Variants in PTPRN2 observed in about 807,000 individuals in gnomAD.
The protein encoded by PTPRN2 is receptor-type tyrosine-protein phosphatase N2.
Under a neutral mutation model 118.8 loss-of-function variants are expected in PTPRN2, and 74 were observed. The observed-to-expected ratio is 0.62, with a 90% CI of 0.52 to 0.76. The LOEUF (loss-of-function observed/expected upper bound fraction) is 0.76, where lower values mean the gene tolerates loss of function less well. PTPRN2 is among the 30% of genes least tolerant of loss of function. PTPRN2 has a pLI of 0.00. For synonymous variants in PTPRN2, 641 were observed against 608.0 expected (o/e 1.05, Z -0.80); for missense variants, 1,481 against 1,394.4 (o/e 1.06, Z -0.99).
intron 2 of PTPRN2, among the ~76,000 whole-genome samples, chr7:158,369,017 G>A (rs1809749842): frequency 8.5e-5 from 13 of 152,080 alleles, no homozygotes; most frequent in Admixed American, 8.5e-4. Flanking sequence ...GTCTGGGTGG[G>A]CACCATCTAA....
Position 157,801,018 on chromosome 7 carries a change from CACACATATATATACACATATATAT to C in PTPRN2, c.1788+97631_1788+97654del, listed in dbSNP as rs1315608115. The stretch of plus-strand genomic sequence containing the variant: ...ATATATACACACATATACATATACA[CACACATATATATACACATATATAT>C]ACACATATATACACATATATATACA... On this transcript the variant is annotated intron_variant, in intron 12 of 22. Coordinates refer to ENST00000389418, the MANE Select transcript of PTPRN2 (RefSeq NM_002847.5). The surrounding 1 kb of genome is among the most constrained non-coding windows in gnomAD (Gnocchi z 4.2). 6.7e-6 allele frequency among the ~76,000 whole-genome samples: 1 copy of C among 150,190 alleles called. No homozygotes were observed. The highest frequency in any genetic ancestry group is 1.9e-4 in the East Asian group (1 of 5,162).
chr7:157,695,783 A>C (rs548516364), intron 12 of PTPRN2, among the ~76,000 whole-genome samples: 2 of 152,382 alleles, frequency 1.3e-5, no homozygotes, highest in Middle Eastern at 3.4e-3. Flanking sequence ...AAAGAAGGTA[A>C]GTCCATTGCA....
chr7:157,900,338 A>G (rs1439544831), intron 11 of PTPRN2, among the ~76,000 whole-genome samples: 1 of 152,224 alleles, frequency 6.6e-6, no homozygotes, highest in Admixed American at 6.5e-5. Flanking sequence ...AACAGCAGAC[A>G]GTGGGCCTGA....
intron 3 of PTPRN2, among the ~76,000 whole-genome samples, chr7:158,252,796 C>T (rs1447380153): frequency 1.3e-5 from 2 of 152,186 alleles, no homozygotes; most frequent in Non-Finnish European, 2.9e-5. Context: ...GAGAACGAAC[C>T]TCTCACTCCC....
chr7:158,109,628 T>C (rs1008647912), intron 10 of PTPRN2, among the ~76,000 whole-genome samples: 1 of 149,374 alleles, frequency 6.7e-6, no homozygotes, highest in Non-Finnish European at 1.5e-5. Context: ...ACGTCACCCA[T>C]GTGAAGAGTG....
chr7:158,127,257 A>G (rs1380873981), intron 9 of PTPRN2, among the ~76,000 whole-genome samples: 1 of 152,040 alleles, frequency 6.6e-6, no homozygotes, highest in Admixed American at 6.5e-5. Flanking sequence ...CCCACTGCTG[A>G]CAGAGGCTGC....
chr7:158,203,558 C>T (rs1023026364), intron 4 of PTPRN2, among the ~76,000 whole-genome samples: 4 of 151,836 alleles, frequency 2.6e-5, no homozygotes, highest in Non-Finnish European at 5.9e-5. Flanking sequence ...GCGCCCCTTT[C>T]CTCCCACGTT....
chr7:158,017,735 C>T (rs1178590141), intron 11 of PTPRN2, among the ~76,000 whole-genome samples: 2 of 152,096 alleles, frequency 1.3e-5, no homozygotes, highest in Non-Finnish European at 2.9e-5. Context: ...AAAGGAGGAG[C>T]ACCCAGCCAG....
intron 11 of PTPRN2, among the ~76,000 whole-genome samples, chr7:157,962,865 T>G (rs1239885546): frequency 6.6e-6 from 1 of 152,248 alleles, no homozygotes; most frequent in Non-Finnish European, 1.5e-5. Flanking sequence ...GTGGCATTCT[T>G]GGTTCCATTC....
chr7:157,606,609 T>G (rs1253786985), intron 15 of PTPRN2, among the ~76,000 whole-genome samples: 2 of 152,248 alleles, frequency 1.3e-5, no homozygotes, highest in African/African-American at 2.4e-5. Context: ...CAGTGCTTGG[T>G]GGCCGTGGGT....
At chr7:158,063,834 G>A (rs1810553889) in intron 11 of PTPRN2, among the ~76,000 whole-genome samples, 1 of 152,200 alleles carries the variant, frequency 6.6e-6, no homozygotes, top group African/African-American at 2.4e-5. Flanking sequence ...CAGCAGGTCA[G>A]GGAATGGGGT....
intron 12 of PTPRN2, among the ~76,000 whole-genome samples, chr7:157,853,874 C>T (rs991611231): frequency 1.3e-5 from 2 of 152,178 alleles, no homozygotes; most frequent in Admixed American, 6.5e-5. Flanking sequence ...GTCATTAGGG[C>T]GGGCCCTAAT....
At chr7:158,238,119 C>A (rs571162204) in intron 3 of PTPRN2, among the ~76,000 whole-genome samples, 4 of 152,224 alleles carry the variant, frequency 2.6e-5, no homozygotes, top group Middle Eastern at 3.4e-3. Context: ...CCTCTCGGGG[C>A]GGCTAAGTCG....
At chr7:157,825,969 C>T (rs866369013) in intron 12 of PTPRN2, among the ~76,000 whole-genome samples, 3 of 152,218 alleles carry the variant, frequency 2.0e-5, no homozygotes, top group Admixed American at 6.5e-5. Flanking sequence ...TTTGGAGAAG[C>T]GCAAGTGCTT....
rs367564744 is a variant in PTPRN2 at position 157,545,222 on chromosome 7, G to A, written c.2976+3724C>T. ...GTGTGTGTGCAATGTGTGGGTGTGC[G>A]CAGTGTCCGTGGCTGTGTGTAGGTG... On this transcript the variant is annotated intron_variant, in intron 22 of 22. Coordinates refer to ENST00000389418, the MANE Select transcript of PTPRN2 (RefSeq NM_002847.5). 3.7e-3 allele frequency among the ~76,000 whole-genome samples: 543 copies of A among 148,726 alleles called. 7 individuals carry two copies. The highest frequency in any genetic ancestry group is 0.029 in the South Asian group (134 of 4,676).
intron 3 of PTPRN2, among the ~76,000 whole-genome samples, chr7:158,279,891 T>C (rs1047238601): frequency 6.6e-6 from 1 of 152,044 alleles, no homozygotes; most frequent in African/African-American, 2.4e-5. Context: ...CACCTCTCAA[T>C]GTGGACTTGA....
At chr7:157,664,341 G>A (rs1036057291) in intron 13 of PTPRN2, among the ~76,000 whole-genome samples, 2 of 152,234 alleles carry the variant, frequency 1.3e-5, no homozygotes, top group Non-Finnish European at 2.9e-5. Context: ...GCCGCTGCCC[G>A]TATCACCTGC....
chr7:157,680,533 G>A (rs988018050), intron 13 of PTPRN2, among the ~76,000 whole-genome samples: 11 of 152,102 alleles, frequency 7.2e-5, no homozygotes, highest in African/African-American at 2.2e-4. Flanking sequence ...TCCTTGACAC[G>A]TTACTCAGCT....
intron 9 of PTPRN2, among the ~76,000 whole-genome samples, chr7:158,113,373 T>C (rs1021450834): frequency 6.6e-6 from 1 of 152,162 alleles, no homozygotes; most frequent in African/African-American, 2.4e-5. Flanking sequence ...CAGTTTCTGT[T>C]AAGCTGGAAG....
Sources: allele counts gnomAD v4.1 joint callset (sites outside exome capture counted in the v4.1 genomes callset), GRCh38; gene constraint gnomAD v4.1.1; non-coding constraint Gnocchi (gnomAD v3.1); transcripts MANE v1.5; gene names NCBI Gene and HGNC (gene_info 2026-07-23, HGNC 2026-07-21).